CHRM3: variants seen among roughly 807,000 people sequenced by gnomAD.
CHRM3 encodes the protein muscarinic acetylcholine receptor M3.
CHRM3 carries 11 observed loss-of-function variants against 41.8 expected under a neutral mutation model. The ratio of observed to expected loss-of-function variants is 0.26; its 90% CI spans 0.17 to 0.44. The LOEUF is 0.44. CHRM3 is among the 20% of genes least tolerant of loss of function. The probability of loss-of-function intolerance (pLI) is 1.00; values close to 1 mark genes in which losing one functional copy is unlikely to be tolerated. For synonymous variants in CHRM3, 297 were observed against 301.4 expected (o/e 0.99, Z 0.15); for missense variants, 571 against 745.4 (o/e 0.77, Z 2.72).
chr1:239,412,407 C>T (rs1661170204), intron 1 of CHRM3, among the ~76,000 whole-genome samples: 1 of 142,406 alleles, frequency 7.0e-6, no homozygotes, highest in Admixed American at 7.3e-5. Flanking sequence ...CTCCAGTCAG[C>T]ACTGTTCCTC....
rs5782110 is a variant in CHRM3, at chr1:239,909,421, G to GA, written c.*207dup. On this transcript the variant is annotated 3_prime_UTR_variant, in exon 7 of 7. Transcript: ENST00000676153. Reference sequence around the variant, plus strand: ...AAAGTCAATACCAATTCAGCAAAAAGAAAAAAAAAACATACTACTGAATAT... The same window carrying GA: ...AAAGTCAATACCAATTCAGCAAAAAGAAAAAAAAAAACATACTACTGAATAT... 0.019 allele frequency: 7,935 copies of GA among 420,838 alleles called. 26 individuals are homozygous for GA. The highest frequency in any genetic ancestry group is 0.033 in the Middle Eastern group (51 of 1,540). The allele number at this position is 420,838 out of a possible 1,614,324, so 26.1% of individuals were successfully genotyped here. A position where few individuals can be genotyped will look rare whatever the true frequency, so the allele number is the denominator to read the frequency against.
chr1:239,773,959 A>G (rs868658775), intron 5 of CHRM3, among the ~76,000 whole-genome samples: 5 of 152,294 alleles, frequency 3.3e-5, no homozygotes, highest in African/African-American at 1.2e-4. Context: ...AAATAGTTAG[A>G]CAGGAAGATT....
At chr1:239,655,012 C>G (rs1672589783) in intron 4 of CHRM3, among the ~76,000 whole-genome samples, 1 of 152,108 alleles carries the variant, frequency 6.6e-6, no homozygotes, top group Non-Finnish European at 1.5e-5. Context: ...TTGTTCTTAC[C>G]AAGTTCCATC....
intron 5 of CHRM3, among the ~76,000 whole-genome samples, chr1:239,796,297 T>A (rs1669761048): frequency 6.6e-6 from 1 of 151,914 alleles, no homozygotes; most frequent in Non-Finnish European, 1.5e-5. Flanking sequence ...TGGAGGGCAG[T>A]CACAGAGAAA....
intron 1 of CHRM3, among the ~76,000 whole-genome samples, chr1:239,425,289 C>T (rs113356446): frequency 0.01 from 1,559 of 152,284 alleles, 26 homozygotes; most frequent in African/African-American, 0.036. Context: ...TTCATTTACT[C>T]ACTCAATCAT....
intron 6 of CHRM3, among the ~76,000 whole-genome samples, chr1:239,850,353 G>A (rs373425719): frequency 1.2e-4 from 18 of 152,240 alleles, no homozygotes; most frequent in African/African-American, 3.8e-4. Flanking sequence ...AGGAAGAGAG[G>A]TGGGGCTGAT....
chr1:239,914,398 T>C lies in CHRM3; in HGVS notation c.*5174T>C, dbSNP rs1342990753. 2 of 167,088 alleles carry C rather than the reference T, an allele frequency of 1.2e-5. No homozygotes were observed. Among genetic ancestry groups the C allele is most frequent in the East Asian group, 1.9e-4 (1 of 5,198 alleles). 10.4% of individuals were successfully genotyped at this position (167,088 alleles called of 1,614,324 possible). ...ACATTCTGTGCACATCAATGTCCCA[T>C]GCTGCTACTGTAGTCAGGAGTTATT... is the stretch of plus-strand genomic sequence containing the variant. On this transcript the variant is annotated 3_prime_UTR_variant, in exon 7 of 7. Transcript: ENST00000676153.
intron 6 of CHRM3, among the ~76,000 whole-genome samples, chr1:239,874,143 A>G (rs973253859): frequency 6.6e-6 from 1 of 151,446 alleles, no homozygotes; most frequent in African/African-American, 2.4e-5. Flanking sequence ...AATGGTTTTG[A>G]ACTCAGTCCA....
intron 3 of CHRM3, among the ~76,000 whole-genome samples, chr1:239,556,025 G>C (rs1419847011): frequency 6.6e-6 from 1 of 152,196 alleles, no homozygotes; most frequent in Non-Finnish European, 1.5e-5. Context: ...ATTAAGCTCA[G>C]CCAGTAAATA....
In CHRM3 at chr1:239,813,795, T is replaced by G. The variant is rs957346668; in HGVS notation, c.-146-13457T>G. On this transcript the variant is annotated intron_variant, in intron 5 of 6. Coordinates refer to ENST00000676153, the MANE Select transcript of CHRM3 (RefSeq NM_001375978.1). ...AGCCGGGCGTAGTGGCGGGCGCCTG[T>G]AGTCCCAGCTACTCGGGAGGCTGAG... Among the ~76,000 whole-genome samples the G allele has an allele frequency of 5.4e-5, 7 of 129,814 alleles. No homozygotes were observed. The East Asian group carries it at 1.6e-3, about 30-fold the overall frequency. The allele number at this position is 129,814 out of a possible 152,430, so 85.2% of individuals were successfully genotyped here.
intron 5 of CHRM3, among the ~76,000 whole-genome samples, chr1:239,688,481 C>A (rs1659372373): frequency 7.3e-6 from 1 of 137,246 alleles, no homozygotes; most frequent in South Asian, 2.2e-4. Context: ...ATATATTATT[C>A]AATATACTAT....
In CHRM3 at chr1:239,492,814, G is replaced by A. The variant is rs1444519715; in HGVS notation, c.-422+7G>A. 4.3e-4 allele frequency: 65 copies of A among 152,348 alleles called. No individual in the cohort carries two copies. 9.4% of individuals were successfully genotyped at this position (152,348 alleles called of 1,614,324 possible). On this transcript the variant is annotated splice_region_variant and intron_variant, in intron 2 of 6. Coordinates refer to ENST00000676153, the MANE Select transcript of CHRM3 (RefSeq NM_001375978.1). ...CATTGCTGCCTGCTACAAGGTAAGT[G>A]AAATCGATCTCCGTCTACCCATTCT...
intron 6 of CHRM3, among the ~76,000 whole-genome samples, chr1:239,889,179 T>G (rs1428624136): frequency 6.6e-6 from 1 of 152,150 alleles, no homozygotes; most frequent in Admixed American, 6.5e-5. Flanking sequence ...GGGGGGTTTA[T>G]AGATGCCTGG....
intron 5 of CHRM3, among the ~76,000 whole-genome samples, chr1:239,698,690 A>G (rs1223181750): frequency 6.6e-6 from 1 of 152,188 alleles, no homozygotes; most frequent in African/African-American, 2.4e-5. Flanking sequence ...TCCCATGGTC[A>G]CCCAGAGTAT....
At chr1:239,410,349 T>G (rs2103038590) in intron 1 of CHRM3, among the ~76,000 whole-genome samples, 1 of 152,330 alleles carries the variant, frequency 6.6e-6, no homozygotes, top group South Asian at 2.1e-4. Flanking sequence ...CATGAAATTT[T>G]AATACCATAC....
chr1:239,667,904 AC>A (rs1173751553), intron 4 of CHRM3, among the ~76,000 whole-genome samples: 1 of 151,844 alleles, frequency 6.6e-6, no homozygotes, highest in Non-Finnish European at 1.5e-5. Context: ...TCTAGTACAA[AC>A]CCATTTTTCT....
rs141951495 is a variant in CHRM3 at position 239,907,643 on chromosome 1, C to T, written c.192C>T (p.Thr64=). ...GTTDDPLGGH[T]VWQVVFIAFL... is the part of the protein sequence containing the mutation. ...CCGATGACCCTCTGGGAGGTCATAC[C>T]GTCTGGCAAGTGGTCTTCATCGCTT... The change falls in exon 7 of 7, where the codon ACC becomes ACT. Residue 64 remains threonine (T), a synonymous_variant. Coordinates refer to ENST00000676153, the MANE Select transcript of CHRM3 (RefSeq NM_001375978.1). The surrounding 1 kb of genome is among the most constrained non-coding windows in gnomAD (Gnocchi z 5.4). 106 of 1,614,148 alleles carry T rather than the reference C, an allele frequency of 6.6e-5. No homozygotes were observed. The African/African-American group carries it at 1.3e-3, about 19-fold the overall frequency.
At chr1:239,634,054 T>C (rs1670170210) in intron 4 of CHRM3, among the ~76,000 whole-genome samples, 1 of 152,186 alleles carries the variant, frequency 6.6e-6, no homozygotes, top group African/African-American at 2.4e-5. Flanking sequence ...AACTTTGTCC[T>C]GTGAACTTTG....
At chr1:239,740,195 A>G (rs193132363) in intron 5 of CHRM3, among the ~76,000 whole-genome samples, 1 of 152,290 alleles carries the variant, frequency 6.6e-6, no homozygotes, top group Admixed American at 6.5e-5. Flanking sequence ...GAAATAATAC[A>G]ACGGAATAGG....
Sources: allele counts gnomAD v4.1 joint callset (sites outside exome capture counted in the v4.1 genomes callset), GRCh38; gene constraint gnomAD v4.1.1; non-coding constraint Gnocchi (gnomAD v3.1); transcripts MANE v1.5; gene names NCBI Gene and HGNC (gene_info 2026-07-23, HGNC 2026-07-21).